The following CNTN1 variants were observed in gnomAD, a reference collection of about 807,000 sequenced individuals.
The protein encoded by CNTN1 is contactin-1.
A neutral mutation model predicts 126.4 loss-of-function variants in CNTN1; 38 were observed. That is an observed-to-expected ratio of 0.30 (90% confidence interval 0.23 to 0.39). The LOEUF (loss-of-function observed/expected upper bound fraction) is 0.39, where lower values mean the gene tolerates loss of function less well. Among genes scored for constraint, CNTN1 ranks in the 10% least tolerant of loss-of-function variants. The pLI is 1.00. For synonymous variants in CNTN1, 413 were observed against 422.6 expected (o/e 0.98, Z 0.28); for missense variants, 1,009 against 1,248.4 (o/e 0.81, Z 2.89).
chr12:40,992,164 G>C (rs1158029644), intron 16 of CNTN1, among the ~76,000 whole-genome samples: 1 of 152,186 alleles, frequency 6.6e-6, no homozygotes, highest in African/African-American at 2.4e-5. Flanking sequence ...GATGGCAAAA[G>C]TAGTGTCTAG....
At chr12:40,921,149 T>C (rs972274990) in intron 4 of CNTN1, among the ~76,000 whole-genome samples, 11 of 152,214 alleles carry the variant, frequency 7.2e-5, no homozygotes, top group African/African-American at 2.7e-4. Context: ...TTTTCTATAC[T>C]TGCTTTTAAA....
chr12:40,852,284 A>G (rs151325200), intron 1 of CNTN1, among the ~76,000 whole-genome samples: 1 of 152,328 alleles, frequency 6.6e-6, no homozygotes, highest in East Asian at 1.9e-4. Flanking sequence ...TTACTCAGCC[A>G]TACTTAAGGT....
chr12:40,709,293 C>T (rs763625021), intron 1 of CNTN1, among the ~76,000 whole-genome samples: 15 of 152,120 alleles, frequency 9.9e-5, no homozygotes, highest in African/African-American at 3.1e-4. Flanking sequence ...TTTTTCTGAG[C>T]AGTCGGTCTC....
intron 1 of CNTN1, among the ~76,000 whole-genome samples, chr12:40,812,836 T>C (rs1941115325): frequency 6.6e-6 from 1 of 152,146 alleles, no homozygotes; most frequent in African/African-American, 2.4e-5. Context: ...TGTTCATTTG[T>C]CTGTTTTAAT....
At chr12:40,826,625 C>G (rs1052216983) in intron 1 of CNTN1, among the ~76,000 whole-genome samples, 1 of 152,170 alleles carries the variant, frequency 6.6e-6, no homozygotes, top group Admixed American at 6.5e-5. Context: ...GAAGTCTGCA[C>G]CTATTGTCAT....
intron 14 of CNTN1, among the ~76,000 whole-genome samples, chr12:40,948,837 G>A (rs1273062578): frequency 6.6e-6 from 1 of 152,090 alleles, no homozygotes; most frequent in African/African-American, 2.4e-5. Flanking sequence ...TACACTGTTG[G>A]CCACCTTTGC....
chr12:41,069,880 C>T (rs1321511027), intron 23 of CNTN1, 79 bp from the exon 24 acceptor site: 39 of 1,150,438 alleles, frequency 3.4e-5, no homozygotes, highest in South Asian at 1.3e-4. Context: ...TGCAATCTCG[C>T]CTTAGCTGAA....
At chr12:40,887,964 T>C (rs1944103045) in intron 1 of CNTN1, among the ~76,000 whole-genome samples, 1 of 132,442 alleles carries the variant, frequency 7.6e-6, no homozygotes, top group Non-Finnish European at 1.5e-5. Context: ...AATTGAACAA[T>C]GAGAACACGT....
intron 1 of CNTN1, among the ~76,000 whole-genome samples, chr12:40,837,223 A>T (rs1942093981): frequency 6.6e-6 from 1 of 152,192 alleles, no homozygotes; most frequent in African/African-American, 2.4e-5. Context: ...AAAAACCAAA[A>T]TAGTGTATAG....
chr12:40,825,284 A>C (rs1208588702), intron 1 of CNTN1, among the ~76,000 whole-genome samples: 1 of 152,148 alleles, frequency 6.6e-6, no homozygotes, highest in African/African-American at 2.4e-5. Context: ...CTTTGGTAGG[A>C]TGCATTCTTT....
chr12:40,795,555 T>C lies in CNTN1; in HGVS notation c.-77+102963T>C, dbSNP rs145923999. ...TATTCTATTTATAGGCACATATATA[T>C]AGGTTCTGTTGGTTCTGAAAAATAC... On this transcript the variant is annotated intron_variant, in intron 1 of 23. Transcript: ENST00000551295. 6.0e-3 allele frequency among the ~76,000 whole-genome samples: 907 copies of C among 150,476 alleles called. 4 individuals are homozygous for C. The highest frequency in any genetic ancestry group is 0.02 in the African/African-American group (825 of 40,886).
intron 1 of CNTN1, among the ~76,000 whole-genome samples, chr12:40,790,011 A>C (rs1428466094): frequency 6.6e-6 from 1 of 152,076 alleles, no homozygotes; most frequent in East Asian, 1.9e-4. Flanking sequence ...CAGACCCATG[A>C]CTTGTATAAA....
chr12:40,890,007 A>G (rs563763757), intron 1 of CNTN1, among the ~76,000 whole-genome samples: 4 of 152,330 alleles, frequency 2.6e-5, no homozygotes, highest in Non-Finnish European at 5.9e-5. Context: ...TCCATGCGAT[A>G]TTAATCTCTA....
At chr12:40,949,210 G>T (rs9668387) in intron 14 of CNTN1, among the ~76,000 whole-genome samples, 5,091 of 26,104 alleles carry the variant, frequency 0.2, 298 homozygotes, top group African/African-American at 0.45. Flanking sequence ...TTTTTTTTTT[G>T]TTTTTTTACA....
intron 21 of CNTN1, 101 bp from the exon 22 acceptor site, chr12:41,027,756 G>T (rs1376742337): frequency 5.2e-6 from 4 of 772,302 alleles, no homozygotes; most frequent in Non-Finnish European, 9.3e-6. Context: ...ACTAGATGGT[G>T]GTGGTCATTA....
At chr12:40,900,080 AG>A (rs1472113475) in intron 1 of CNTN1, among the ~76,000 whole-genome samples, 1 of 152,110 alleles carries the variant, frequency 6.6e-6, no homozygotes, top group Non-Finnish European at 1.5e-5. Flanking sequence ...ATGGCTGCTG[AG>A]GAGAAAAAAA....
intron 17 of CNTN1, among the ~76,000 whole-genome samples, chr12:40,995,168 A>C (rs556929538): frequency 2.6e-5 from 4 of 152,260 alleles, no homozygotes; most frequent in Admixed American, 2.6e-4. Flanking sequence ...AAATTACATG[A>C]AACTTTAAGA....
chr12:40,869,699 A>G (rs991397195), intron 1 of CNTN1, among the ~76,000 whole-genome samples: 16 of 152,160 alleles, frequency 1.1e-4, no homozygotes, highest in African/African-American at 1.4e-4. Context: ...CTATTGCAAA[A>G]TCTATAGTGG....
At chr12:41,040,829 T>C (rs1949386613) in intron 23 of CNTN1, among the ~76,000 whole-genome samples, 1 of 147,146 alleles carries the variant, frequency 6.8e-6, no homozygotes, top group African/African-American at 2.6e-5. Context: ...GACAATGGGG[T>C]TTTCTAGATA....
Sources: gnomAD v4.1 joint callset for allele counts (sites outside exome capture counted in the v4.1 genomes callset) on GRCh38, gnomAD v4.1.1 for gene constraint, MANE v1.5 for transcripts, NCBI Gene and HGNC (gene_info 2026-07-23, HGNC 2026-07-21) for gene names.